NOP53: variants seen among roughly 807,000 people sequenced by gnomAD.
The protein encoded by NOP53 is ribosome biogenesis protein NOP53.
A neutral mutation model predicts 61.0 loss-of-function variants in NOP53; 40 were observed. That is an observed-to-expected ratio of 0.66 (90% CI 0.51 to 0.85). The LOEUF (loss-of-function observed/expected upper bound fraction) is 0.85. Among genes scored for constraint, NOP53 ranks in the 40% least tolerant of loss-of-function variants. NOP53 has a pLI of 0.00. For missense variants in NOP53, 689 were observed against 652.9 expected (o/e 1.06, Z -0.60); for synonymous variants, 308 against 289.5 (o/e 1.06, Z -0.65).
At position 47,747,041 on chromosome 19, in the gene NOP53, G is replaced by T. The variant is rs758371911; in HGVS notation, c.289+10G>T. 1 of 1,610,398 alleles carries T rather than the reference G, an allele frequency of 6.2e-7. No homozygotes were observed. The highest frequency in any genetic ancestry group is 1.7e-4 in the Middle Eastern group (1 of 6,054). ...GGCTCCAAGGAAAAAGGTGAGGAGA[G>T]GCTTTTGTGGTGTGGAATGGCGGTT... On this transcript the variant is annotated intron_variant, in intron 2 of 12. Transcript: ENST00000246802.
At chr19:47,751,282 C>A in intron 4 of NOP53, 175 bp downstream of exon 4, 1 of 685,990 alleles carries the variant, frequency 1.5e-6, no homozygotes, top group South Asian at 1.8e-5. Context: ...CGTGCTTTTC[C>A]TTTCCTGAGT....
rs763608461 is a variant in NOP53, at chr19:47,751,020, C to T, written c.511C>T (p.Arg171Trp). Residue 171 changes from arginine to tryptophan, a missense_variant, in exon 4 of 13, where the codon CGG (arginine) becomes TGG (tryptophan). Transcript: ENST00000246802. The part of the protein sequence containing the change: ...LPREVRRAQA[R>W]LLNPSATRAK... ...CCGGGAGGTGCGCAGGGCCCAGGCC[C>T]GGCTCCTCAACCCTTCTGCAACAAG... The T allele has an allele frequency of 9.4e-5, 151 of 1,599,650 alleles. 3 individuals carry two copies. The South Asian group carries it at 1.3e-3, about 14-fold the overall frequency.
Position 47,746,024 on chromosome 19 carries a change from T to C in NOP53, c.224+241T>C, listed in dbSNP as rs1427158415. On this transcript the variant is annotated intron_variant, in intron 1 of 12. Coordinates refer to ENST00000246802, the MANE Select transcript of NOP53 (RefSeq NM_015710.5). The stretch of plus-strand genomic sequence containing the variant: ...TACAGGACGCTCAATTAAATTTGGA[T>C]TTTAGGTAAACAATGAATAATTTTT... The C allele has an allele frequency of 6.0e-6, 3 of 503,126 alleles. No homozygotes were observed. The Admixed American group carries it at 1.1e-4, about 19-fold the overall frequency. 31.2% of individuals were successfully genotyped at this position (503,126 alleles called of 1,614,324 possible).
In NOP53 at chr19:47,748,951, C is replaced by T. The variant is rs779443398; in HGVS notation, c.290-1227C>T. ...CTGATGCGGGTGGATCACCTGAGGTCGGGAGTTTGAGACCAGCCTGACCAA... is the reference window on the plus strand; with the variant it reads ...CTGATGCGGGTGGATCACCTGAGGTTGGGAGTTTGAGACCAGCCTGACCAA... On this transcript the variant is annotated intron_variant, in intron 2 of 12. Coordinates refer to ENST00000246802, the MANE Select transcript of NOP53 (RefSeq NM_015710.5). 7.2e-5 allele frequency among the ~76,000 whole-genome samples: 11 copies of T among 152,108 alleles called. No individual in the cohort carries two copies. In the South Asian group the frequency reaches 8.3e-4, roughly 11 times the overall value.
At chr19:47,745,884 C>CGGGGGTT (rs1297737622) in intron 1 of NOP53, 101 bp downstream of exon 1, 1 of 191,400 alleles carries the variant, frequency 5.2e-6, no homozygotes, top group East Asian at 5.5e-5. Flanking sequence ...GGTCGGGGGT[C>CGGGGGTT]GGGGGTTGGG....
rs192330726 is a variant in NOP53, at chr19:47,754,550, G to C, written c.789G>C (p.Glu263Asp). ...AGACCCTGCTCTCAGCGGCCCACGA[G>C]GTGGAGTTGCAGCGGCAGAAGGAGG... The part of the protein sequence containing the change: ...DHQTLLSAAH[E>D]VELQRQKEAE... Residue 263 changes from glutamate (E) to aspartate (D), a missense_variant, in exon 7 of 13, where the codon GAG becomes GAC. By Grantham distance (45) the Glu-to-Asp change is conservative. Coordinates refer to ENST00000246802, the MANE Select transcript of NOP53 (RefSeq NM_015710.5). This position sits in a 1 kb window ranked among gnomAD's most constrained non-coding sequence, Gnocchi z 4.2. 6.4e-7 allele frequency: 1 copy of C among 1,551,892 alleles called. No homozygotes were observed. Among genetic ancestry groups the C allele is most frequent in the Non-Finnish European group, 8.7e-7 (1 of 1,148,454 alleles).
At chr19:47,755,010 C>T (rs1967172576) in intron 8 of NOP53, 119 bp downstream of exon 8, 3 of 977,446 alleles carry the variant, frequency 3.1e-6, no homozygotes, top group East Asian at 2.8e-5. Context: ...CCGCATGTGG[C>T]CTGTGGTTTG....
intron 6 of NOP53, chr19:47,752,828 G>T (rs544061840): frequency 5.6e-6 from 3 of 531,792 alleles, no homozygotes; most frequent in Non-Finnish European, 1.0e-5. Flanking sequence ...AGCCTGGGGG[G>T]TCAGGAAGGG....
At chr19:47,752,403 C>G in intron 5 of NOP53, 109 bp from the exon 6 acceptor site, 10 of 708,192 alleles carry the variant, frequency 1.4e-5, no homozygotes, top group Non-Finnish European at 2.2e-5. Context: ...TTGAGCTCTT[C>G]CCACACCCAA....
chr19:47,756,871 AGAG>A, intron 12 of NOP53, 125 bp from the exon 13 acceptor site: 2 of 1,511,918 alleles, frequency 1.3e-6, no homozygotes, highest in East Asian at 4.5e-5. Flanking sequence ...CATGCCCAGA[AGAG>A]GCCCTGAAAC....
In NOP53 at chr19:47,755,491, G is replaced by A. The variant is rs1417182312; in HGVS notation, c.1197G>A (p.Glu399=). ...QRRRQARREA[E]ADKPRRLGRL... ...GGCGGCAGGCGCGGCGGGAGGCTGA[G>A]GCTGACAAGCCCCGAAGGCTGGGGC... The change falls in exon 9 of 13, where the codon GAG becomes GAA. Residue 399 remains glutamate (E), a synonymous_variant. Coordinates refer to ENST00000246802, the MANE Select transcript of NOP53 (RefSeq NM_015710.5). The A allele has an allele frequency of 6.8e-7, 1 of 1,480,972 alleles. No individual in the cohort carries two copies. Among genetic ancestry groups the A allele is most frequent in the South Asian group, 1.4e-5 (1 of 72,022 alleles). The allele number at this position is 1,480,972 out of a possible 1,614,324, so 91.7% of individuals were successfully genotyped here. A position where few individuals can be genotyped will look rare whatever the true frequency, so the allele number is the denominator to read the frequency against.
At position 47,756,526 on chromosome 19, in the gene NOP53, A is replaced by C; in HGVS notation, c.1297-2A>C. On this transcript the variant is annotated splice_acceptor_variant, in intron 10 of 12. Coordinates refer to ENST00000246802, the MANE Select transcript of NOP53 (RefSeq NM_015710.5). LOFTEE classifies it high-confidence loss of function. ...GCTGAGGCCTCCCTCTCTGTCCTGT[A>C]GCCCGAGGGCAACATCCTTCGAGAC... 1 of 1,613,118 alleles carries C rather than the reference A, an allele frequency of 6.2e-7. No homozygotes were observed. Among genetic ancestry groups the C allele is most frequent in the Non-Finnish European group, 8.5e-7 (1 of 1,179,282 alleles).
chr19:47,750,996 C>A lies in NOP53; in HGVS notation c.487C>A (p.Arg163=). The A allele has an allele frequency of 1.3e-6, 2 of 1,595,326 alleles. No homozygotes were observed. Among genetic ancestry groups the A allele is most frequent in the Non-Finnish European group, 8.5e-7 (1 of 1,171,996 alleles). Reference sequence around the variant, plus strand: ...GCTGGCCAAGCAGGGCGAGCTGCCCCGGGAGGTGCGCAGGGCCCAGGCCCG... The same window carrying A: ...GCTGGCCAAGCAGGGCGAGCTGCCCAGGGAGGTGCGCAGGGCCCAGGCCCG... The part of the protein sequence containing the change: ...EKLAKQGELP[R]EVRRAQARLL... Residue 163 remains arginine, a synonymous_variant, in exon 4 of 13, where the codon CGG becomes AGG. Coordinates refer to ENST00000246802, the MANE Select transcript of NOP53 (RefSeq NM_015710.5).
intron 8 of NOP53, 145 bp from the exon 9 acceptor site, chr19:47,755,203 C>T: frequency 1.7e-6 from 1 of 578,290 alleles, no homozygotes. Flanking sequence ...GCTGGGAAGG[C>T]ACTGGAGGGG....
Position 47,750,173 on chromosome 19 carries a change from C to T in NOP53, c.290-5C>T. 2.5e-6 allele frequency: 4 copies of T among 1,593,594 alleles called. No homozygotes were observed. Among genetic ancestry groups the T allele is most frequent in the Non-Finnish European group, 3.4e-6 (4 of 1,161,590 alleles). On this transcript the variant is annotated splice_region_variant and splice_polypyrimidine_tract_variant and intron_variant, in intron 2 of 12. Transcript: ENST00000246802. ...GCCTTGACTTGTTCTCTTTCCCATT[C>T]TTAGGGCTGACAAAGAAGAGAACCA...
rs376506570 is a variant in NOP53 at position 47,745,739 on chromosome 19, T to G, written c.180T>G (p.Val60=). The change falls in exon 1 of 13, where the codon GTT becomes GTG. Residue 60 remains valine, a synonymous_variant. Transcript: ENST00000246802. The stretch of plus-strand genomic sequence containing the variant: ...CTCAGGAGCCGCTGGGGCTGGAGGT[T>G]GACCAGTTCCTGGAAGACGTGCGGC... The part of the protein sequence containing the change: ...RLAQEPLGLE[V]DQFLEDVRLQ... 6.2e-7 allele frequency: 1 copy of G among 1,603,696 alleles called. No individual in the cohort carries two copies. The highest frequency in any genetic ancestry group is 8.5e-7 in the Non-Finnish European group (1 of 1,174,958).
Position 47,745,625 on chromosome 19 carries a change from C to T in NOP53, c.66C>T (p.Phe22=), listed in dbSNP as rs143725859. 1.4e-4 allele frequency: 222 copies of T among 1,614,100 alleles called. 1 individual carries two copies. Among genetic ancestry groups the T allele is most frequent in the Non-Finnish European group, 1.8e-4 (210 of 1,180,016 alleles). The change falls in exon 1 of 13, where the codon TTC becomes TTT. Residue 22 remains phenylalanine, a synonymous_variant. Coordinates refer to ENST00000246802, the MANE Select transcript of NOP53 (RefSeq NM_015710.5). ...RSSKSDADSG[F]LGLRPTSVDP... ...CGAAAAGCGATGCCGATTCTGGTTT[C>T]CTGGGGCTGCGGCCCACTTCGGTGG... is the stretch of plus-strand genomic sequence containing the variant.
At position 47,754,621 on chromosome 19, in the gene NOP53, C is replaced by T. The variant is rs747839472; in HGVS notation, c.860C>T (p.Ala287Val). The T allele has an allele frequency of 2.4e-5, 37 of 1,548,974 alleles. No homozygotes were observed. The highest frequency in any genetic ancestry group is 6.8e-5 in the African/African-American group (5 of 73,000). ...CTGGCCCTGCCCGCCACGGAGCAGG[C>T]CGCCACCCAGGTGAGCCCCGCACCT... Reference protein sequence around the residue: ...RQLALPATEQAATQESTFQEL... With the variant: ...RQLALPATEQVATQESTFQEL... The change falls in exon 7 of 13, where the codon GCC becomes GTC. Residue 287 changes from alanine (A) to valine (V), a missense_variant. Coordinates refer to ENST00000246802, the MANE Select transcript of NOP53 (RefSeq NM_015710.5). This position sits in a 1 kb window ranked among gnomAD's most constrained non-coding sequence, Gnocchi z 4.2.
chr19:47,755,307 G>T, intron 8 of NOP53, 41 bp from the exon 9 acceptor site: 1 of 1,345,228 alleles, frequency 7.4e-7, no homozygotes, highest in Non-Finnish European at 9.8e-7. Context: ...CCCTGTGTGG[G>T]CAGCACCGGC....
Sources: gnomAD v4.1 joint callset for allele counts (sites outside exome capture counted in the v4.1 genomes callset) on GRCh38, gnomAD v4.1.1 for gene constraint, Gnocchi (gnomAD v3.1) non-coding constraint, MANE v1.5 for transcripts, NCBI Gene and HGNC (gene_info 2026-07-23, HGNC 2026-07-21) for gene names.